The following CLTC variants were observed in gnomAD, a reference collection of about 807,000 sequenced individuals.
The protein encoded by CLTC is clathrin heavy chain 1.
CLTC carries 16 observed loss-of-function variants against 195.8 expected under a neutral mutation model. That is an observed-to-expected ratio of 0.08 (90% CI 0.06 to 0.12). The LOEUF (loss-of-function observed/expected upper bound fraction) is 0.12. Among genes scored for constraint, CLTC ranks in the 10% least tolerant of loss-of-function variants. CLTC has a pLI of 1.00. For missense variants in CLTC, 796 were observed against 2,027.0 expected (o/e 0.39, Z 11.66); for synonymous variants, 667 against 689.4 (o/e 0.97, Z 0.51).
rs777329776 is a variant in CLTC at position 59,681,089 on chromosome 17, A to T, written c.3065+32A>T. On this transcript the variant is annotated intron_variant, in intron 19 of 31. Coordinates refer to ENST00000269122, the MANE Select transcript of CLTC (RefSeq NM_004859.4). The surrounding 1 kb of genome is among the most constrained non-coding windows in gnomAD (Gnocchi z 5.0). ...TTTCAGAGGGATCCATTGGCTATTT[A>T]TAGTCAGTCTTTAATAAATTATGGC... 6.2e-7 allele frequency: 1 copy of T among 1,606,434 alleles called. No homozygotes were observed. The highest frequency in any genetic ancestry group is 1.1e-5 in the South Asian group (1 of 90,086).
chr17:59,641,603 CAAAAAAAAA>C (rs34208843), intron 1 of CLTC, among the ~76,000 whole-genome samples: 2 of 48,850 alleles, frequency 4.1e-5, no homozygotes, highest in Non-Finnish European at 6.8e-5. Flanking sequence ...GACTCCATCT[CAAAAAAAAA>C]AAAAAAAAAA....
intron 13 of CLTC, among the ~76,000 whole-genome samples, chr17:59,667,226 T>C (rs994233389): frequency 2.0e-5 from 3 of 152,174 alleles, no homozygotes; most frequent in Admixed American, 6.5e-5. Flanking sequence ...GAGAAAAATA[T>C]GTAGTGGTGT....
chr17:59,634,118 A>C (rs1379915012), intron 1 of CLTC, among the ~76,000 whole-genome samples: 1 of 152,132 alleles, frequency 6.6e-6, no homozygotes, highest in Non-Finnish European at 1.5e-5. Context: ...CATGTTGCCC[A>C]GGCTGGTCTT....
intron 1 of CLTC, among the ~76,000 whole-genome samples, chr17:59,638,563 G>A (rs547876684): frequency 6.6e-6 from 1 of 150,718 alleles, no homozygotes; most frequent in Non-Finnish European, 1.5e-5. Flanking sequence ...TTGGGGGTGG[G>A]AGTGGGGGTG....
Position 59,696,379 on chromosome 17 carries a change from A to AT in CLTC, c.*2528dup, listed in dbSNP as rs1331546164. On this transcript the variant is annotated 3_prime_UTR_variant, in exon 32 of 32. Transcript: ENST00000269122. ...TGACCTTAGACCTTGAGATGGTGCT[A>AT]TAACGCTGCTTATATTGCAGTTAAC... The AT allele has an allele frequency of 9.1e-6, 2 of 219,640 alleles. No homozygotes were observed. Among genetic ancestry groups the AT allele is most frequent in the African/African-American group, 4.5e-5 (2 of 44,566 alleles). The allele number at this position is 219,640 out of a possible 1,614,324, so 13.6% of individuals were successfully genotyped here. A position where few individuals can be genotyped will look rare whatever the true frequency, so the allele number is the denominator to read the frequency against.
rs1317826404 is a variant in CLTC at position 59,646,765 on chromosome 17, A to G, written c.251-633A>G. The stretch of plus-strand genomic sequence containing the variant: ...CTTGCACTTTGTTCTTATCTCCAGT[A>G]TATTAACAGCATCTGAAACTATCCT... On this transcript the variant is annotated intron_variant, in intron 2 of 31. Transcript: ENST00000269122. 3.3e-5 allele frequency among the ~76,000 whole-genome samples: 5 copies of G among 152,182 alleles called. No individual in the cohort carries two copies. In the East Asian group the frequency reaches 7.7e-4, roughly 23 times the overall value.
intron 1 of CLTC, among the ~76,000 whole-genome samples, chr17:59,623,886 G>A (rs932682106): frequency 3.3e-5 from 5 of 152,140 alleles, no homozygotes; most frequent in African/African-American, 4.8e-5. Context: ...AATGTAAATA[G>A]CCACATGTGA....
chr17:59,636,883 C>G (rs2031875354), intron 1 of CLTC, among the ~76,000 whole-genome samples: 1 of 151,562 alleles, frequency 6.6e-6, no homozygotes, highest in Admixed American at 6.6e-5. Flanking sequence ...CTGCCTCAGT[C>G]TCCCGAGTAG....
chr17:59,637,093 T>C (rs1394984746), intron 1 of CLTC, among the ~76,000 whole-genome samples: 1 of 151,644 alleles, frequency 6.6e-6, no homozygotes, highest in Non-Finnish European at 1.5e-5. Context: ...GGACATTTTC[T>C]TATAATCATA....
rs2033369039 is a variant in CLTC, at chr17:59,694,068, G to C, written c.*216G>C. 3 of 386,072 alleles carry C rather than the reference G, an allele frequency of 7.8e-6. No individual in the cohort carries two copies. Among genetic ancestry groups the C allele is most frequent in the Non-Finnish European group, 1.3e-5 (3 of 225,788 alleles). The allele number at this position is 386,072 out of a possible 1,614,324, so 23.9% of individuals were successfully genotyped here. The stretch of plus-strand genomic sequence containing the variant: ...TAGAATTTATTTTCGAAGGGGAATA[G>C]TTTCAATGTTTTATTCACTTGGGCT... On this transcript the variant is annotated 3_prime_UTR_variant, in exon 32 of 32. Coordinates refer to ENST00000269122, the MANE Select transcript of CLTC (RefSeq NM_004859.4).
Position 59,666,708 on chromosome 17 carries a change from T to G in CLTC, c.1947+64T>G. Reference sequence around the variant, plus strand: ...GATTAATAGGTACACTGAAAATGTGTTTGTGGTACTAAATATTAATAATTT... The same window carrying G: ...GATTAATAGGTACACTGAAAATGTGGTTGTGGTACTAAATATTAATAATTT... On this transcript the variant is annotated intron_variant, in intron 12 of 31. Transcript: ENST00000269122. The surrounding 1 kb of genome is among the most constrained non-coding windows in gnomAD (Gnocchi z 4.9). 1 of 1,557,208 alleles carries G rather than the reference T, an allele frequency of 6.4e-7. No homozygotes were observed. Among genetic ancestry groups the G allele is most frequent in the Non-Finnish European group, 8.8e-7 (1 of 1,141,144 alleles).
chr17:59,623,196 G>C (rs1210385907), intron 1 of CLTC, among the ~76,000 whole-genome samples: 1 of 152,144 alleles, frequency 6.6e-6, no homozygotes, highest in Non-Finnish European at 1.5e-5. Flanking sequence ...TTGATCCATA[G>C]ATGCAGGCAT....
chr17:59,647,802 C>A, intron 3 of CLTC, 136 bp downstream of exon 3: 1 of 753,218 alleles, frequency 1.3e-6, no homozygotes, highest in Non-Finnish European at 2.1e-6. Flanking sequence ...CTTTTTTTTT[C>A]CTTCCTCCCA....
rs1411721159 is a variant in CLTC at position 59,620,060 on chromosome 17, C to T, written c.-72C>T. ...TCCCCCCTCCCCTTCTCCTCCTCTC[C>T]CTTGGAGAGCCCGGGCAGCCACTGC... is the stretch of plus-strand genomic sequence containing the variant. On this transcript the variant is annotated 5_prime_UTR_variant, in exon 1 of 32. Transcript: ENST00000269122. 7 of 1,475,572 alleles carry T rather than the reference C, an allele frequency of 4.7e-6. No individual in the cohort carries two copies. The African/African-American group carries it at 6.9e-5, about 15-fold the overall frequency. The allele number at this position is 1,475,572 out of a possible 1,614,324, so 91.4% of individuals were successfully genotyped here.
intron 31 of CLTC, among the ~76,000 whole-genome samples, chr17:59,692,057 G>A (rs1001644736): frequency 1.3e-5 from 2 of 152,086 alleles, no homozygotes; most frequent in South Asian, 2.1e-4. Flanking sequence ...AGTGGCTCAC[G>A]CCTGTAATCC....
chr17:59,663,977 G>A lies in CLTC; in HGVS notation c.1504G>A (p.Val502Ile). Residue 502 changes from valine to isoleucine, a missense_variant, in exon 9 of 32, where the codon GTT becomes ATT. Val to Ile is a conservative substitution (Grantham distance 29, BLOSUM62 3). This residue lies in a region of CLTC where 293 missense variants were observed against 795.6 expected (regional missense o/e 0.37). Transcript: ENST00000269122. ...AGAAACAGGTCAAGTCCAAAAGATT[G>A]TTTTATATGCTAAAAAAGTGAGTTC... ...FAETGQVQKI[V>I]LYAKKVGYTP... 1 of 1,612,438 alleles carries A rather than the reference G, an allele frequency of 6.2e-7. No homozygotes were observed. The highest frequency in any genetic ancestry group is 1.1e-5 in the South Asian group (1 of 90,670).
chr17:59,692,463 T>C (rs1030096006), intron 31 of CLTC, among the ~76,000 whole-genome samples: 8 of 152,222 alleles, frequency 5.3e-5, no homozygotes, highest in Non-Finnish European at 1.0e-4. Context: ...AAAATACTTT[T>C]GTAGGGGTAG....
chr17:59,677,274 G>T, intron 17 of CLTC, 86 bp downstream of exon 17: 6 of 939,424 alleles, frequency 6.4e-6, no homozygotes, highest in Non-Finnish European at 8.2e-6. Context: ...TAGGTAATAT[G>T]GGACATTTGG....
chr17:59,623,545 C>G (rs568153744), intron 1 of CLTC, among the ~76,000 whole-genome samples: 21 of 152,326 alleles, frequency 1.4e-4, no homozygotes, highest in African/African-American at 5.1e-4. Flanking sequence ...ATTCACATTT[C>G]AGGAACCATG....
Sources: allele counts gnomAD v4.1 joint callset (sites outside exome capture counted in the v4.1 genomes callset), GRCh38; gene constraint gnomAD v4.1.1; regional missense constraint gnomAD v4.1.1; non-coding constraint Gnocchi (gnomAD v3.1); transcripts MANE v1.5; gene names NCBI Gene and HGNC (gene_info 2026-07-23, HGNC 2026-07-21).